The following NDUFS4 variants were observed in gnomAD, a reference collection of about 807,000 sequenced individuals.
The protein encoded by NDUFS4 is NADH dehydrogenase [ubiquinone] iron-sulfur protein 4, mitochondrial.
In NDUFS4, 28 loss-of-function variants were observed where a neutral mutation model predicts 24.3. The ratio of observed to expected loss-of-function variants is 1.15; its 90% CI spans 0.85 to 1.58. NDUFS4 has a LOEUF of 1.58. Ranked by LOEUF, NDUFS4 falls within the 40% of genes most tolerant of loss-of-function variation. NDUFS4 has a pLI of 0.00. For missense variants in NDUFS4, 223 were observed against 207.9 expected, an observed-to-expected ratio of 1.07 and a Z score of -0.45; for synonymous variants, 93 against 69.7, an observed-to-expected ratio of 1.34 and a Z score of -1.67.
chr5:53,614,872 G>A (rs1224111524), intron 2 of NDUFS4, among the ~76,000 whole-genome samples: 2 of 151,812 alleles, frequency 1.3e-5, no homozygotes, highest in African/African-American at 2.4e-5. Flanking sequence ...TATTTCATTT[G>A]TTTGGATTTT....
intron 2 of NDUFS4, among the ~76,000 whole-genome samples, chr5:53,640,905 T>C (rs972527521): frequency 2.0e-5 from 3 of 152,134 alleles, no homozygotes; most frequent in Admixed American, 2.0e-4. Context: ...ACCATATGAC[T>C]GACCAGCTAA....
intron 2 of NDUFS4, among the ~76,000 whole-genome samples, chr5:53,603,963 C>A (rs1345536302): frequency 6.6e-6 from 1 of 152,058 alleles, no homozygotes; most frequent in Non-Finnish European, 1.5e-5. Context: ...CATACAAACA[C>A]ATACACACAC....
chr5:53,628,777 G>A (rs747527902), intron 2 of NDUFS4, among the ~76,000 whole-genome samples: 3 of 151,896 alleles, frequency 2.0e-5, no homozygotes, highest in Non-Finnish European at 1.5e-5. Context: ...TTCTTTGTTA[G>A]TCTTGCTAGC....
chr5:53,566,616 A>T (rs1749035678), intron 1 of NDUFS4, among the ~76,000 whole-genome samples: 1 of 152,146 alleles, frequency 6.6e-6, no homozygotes, highest in Non-Finnish European at 1.5e-5. Context: ...CTCCTCAAGG[A>T]CACCAAAATC....
intron 2 of NDUFS4, among the ~76,000 whole-genome samples, chr5:53,607,682 T>G (rs1750566942): frequency 6.6e-6 from 1 of 152,180 alleles, no homozygotes; most frequent in Non-Finnish European, 1.5e-5. Flanking sequence ...GCAATGGATT[T>G]TAAGTAATCA....
chr5:53,679,205 T>G (rs964645098), intron 4 of NDUFS4, among the ~76,000 whole-genome samples: 3 of 152,158 alleles, frequency 2.0e-5, no homozygotes, highest in African/African-American at 7.2e-5. Flanking sequence ...TGTGCAACTT[T>G]GGAAACAAAG....
At chr5:53,619,480 C>A in intron 2 of NDUFS4, among the ~76,000 whole-genome samples, 1 of 88,262 alleles carries the variant, frequency 1.1e-5, no homozygotes, top group African/African-American at 5.5e-5. Context: ...CAGCAAGACT[C>A]TGTCTCAAAA....
chr5:53,563,177 C>T (rs1298753671), intron 1 of NDUFS4, among the ~76,000 whole-genome samples: 4 of 140,038 alleles, frequency 2.9e-5, no homozygotes, highest in Admixed American at 1.6e-4. Context: ...TGCAGTGAGT[C>T]AAGATCGCGC....
intron 2 of NDUFS4, among the ~76,000 whole-genome samples, chr5:53,641,689 C>T (rs1323491952): frequency 6.6e-6 from 1 of 152,112 alleles, no homozygotes; most frequent in African/African-American, 2.4e-5. Context: ...ATAATGCTAT[C>T]TGCCAACTCT....
At chr5:53,563,085 C>T (rs1339626535) in intron 1 of NDUFS4, among the ~76,000 whole-genome samples, 1 of 151,892 alleles carries the variant, frequency 6.6e-6, no homozygotes, top group African/African-American at 2.4e-5. Context: ...AAAAATTAGC[C>T]AGGCGTGGCA....
chr5:53,612,497 A>G (rs890546344), intron 2 of NDUFS4, among the ~76,000 whole-genome samples: 1 of 152,156 alleles, frequency 6.6e-6, no homozygotes, highest in African/African-American at 2.4e-5. Context: ...GCACAATGCT[A>G]TTAATGTAAA....
In NDUFS4 at chr5:53,680,994, A is replaced by AAT. The variant is rs1740646475; in HGVS notation, c.425-2124_425-2123insAT. Among the ~76,000 whole-genome samples the AAT allele has an allele frequency of 3.9e-5, 6 of 152,000 alleles. 1 individual carries two copies. The highest frequency in any genetic ancestry group is 3.9e-4 in the Admixed American group (6 of 15,226). ...GGTCTCCCCTGTATACCCCATCTAA[A>AAT]GTGTTTTCTCCTAGGTTAGATTATA... On this transcript the variant is annotated intron_variant, in intron 4 of 4. Coordinates refer to ENST00000296684, the MANE Select transcript of NDUFS4 (RefSeq NM_002495.4).
intron 2 of NDUFS4, among the ~76,000 whole-genome samples, chr5:53,632,979 T>C (rs1436504579): frequency 6.6e-6 from 1 of 152,180 alleles, no homozygotes; most frequent in African/African-American, 2.4e-5. Context: ...CTAACACCCT[T>C]GACATACTAC....
At chr5:53,623,552 A>G (rs1751122288) in intron 2 of NDUFS4, among the ~76,000 whole-genome samples, 1 of 152,140 alleles carries the variant, frequency 6.6e-6, no homozygotes, top group African/African-American at 2.4e-5. Context: ...CAAAAATTTT[A>G]ATTTTGATGA....
intron 1 of NDUFS4, among the ~76,000 whole-genome samples, chr5:53,586,519 T>A (rs934351831): frequency 1.3e-5 from 2 of 151,978 alleles, no homozygotes; most frequent in Non-Finnish European, 2.9e-5. Context: ...TTAGTTTGTT[T>A]GTTTGTTTAT....
chr5:53,613,353 T>C (rs1247345359), intron 2 of NDUFS4, among the ~76,000 whole-genome samples: 1 of 152,088 alleles, frequency 6.6e-6, no homozygotes, highest in Non-Finnish European at 1.5e-5. Context: ...TTTTTATGTT[T>C]TATTCACTAA....
At chr5:53,568,895 G>A (rs1393361446) in intron 1 of NDUFS4, among the ~76,000 whole-genome samples, 4 of 152,218 alleles carry the variant, frequency 2.6e-5, no homozygotes, top group South Asian at 4.1e-4. Context: ...CTTAAACAAA[G>A]CTATATGAAG....
chr5:53,573,484 A>G lies in NDUFS4; in HGVS notation c.98+12724A>G, dbSNP rs538211797. The G allele has an allele frequency of 9.1e-5, 35 of 385,766 alleles. 1 individual carries two copies. Among genetic ancestry groups the G allele is most frequent in the Middle Eastern group, 9.1e-4 (1 of 1,104 alleles). 23.9% of individuals were successfully genotyped at this position (385,766 alleles called of 1,614,324 possible). On this transcript the variant is annotated intron_variant, in intron 1 of 4. Coordinates refer to ENST00000296684, the MANE Select transcript of NDUFS4 (RefSeq NM_002495.4). ...TATTTATTTATCTAATCAGTGTTGTAGTTTTGAGCGTGCAGATCCTGTATA... is the reference window on the plus strand; with the variant it reads ...TATTTATTTATCTAATCAGTGTTGTGGTTTTGAGCGTGCAGATCCTGTATA...
At chr5:53,579,527 G>A (rs1198348559) in intron 1 of NDUFS4, among the ~76,000 whole-genome samples, 1 of 152,108 alleles carries the variant, frequency 6.6e-6, no homozygotes, top group African/African-American at 2.4e-5. Flanking sequence ...GGGCAACATA[G>A]CAAGACCCTG....
Sources: gnomAD v4.1 joint callset for allele counts (sites outside exome capture counted in the v4.1 genomes callset) on GRCh38, gnomAD v4.1.1 for gene constraint, MANE v1.5 for transcripts, NCBI Gene and HGNC (gene_info 2026-07-23, HGNC 2026-07-21) for gene names.